Variants in FAM53B observed in about 807,000 individuals in gnomAD.
The protein encoded by FAM53B is protein FAM53B.
Under a neutral mutation model 32.7 loss-of-function variants are expected in FAM53B, and 12 were observed. The observed-to-expected ratio is 0.37, with a 90% CI of 0.24 to 0.59. FAM53B has a LOEUF of 0.59. FAM53B is among the 20% of genes least tolerant of loss of function. The pLI, the probability that FAM53B is intolerant of heterozygous loss-of-function variation, is 0.72. For missense variants in FAM53B, 477 were observed against 577.7 expected, an observed-to-expected ratio of 0.83 and a Z score of 1.79; for synonymous variants, 234 against 228.7, an observed-to-expected ratio of 1.02 and a Z score of -0.21.
intron 1 of FAM53B, among the ~76,000 whole-genome samples, chr10:124,710,410 T>C (rs1411565860): frequency 6.6e-6 from 1 of 152,206 alleles, no homozygotes; most frequent in East Asian, 1.9e-4. Flanking sequence ...TTCTCAGAAT[T>C]TGTGAGGCGA....
At chr10:124,629,139 G>A (rs901732185) in intron 4 of FAM53B, among the ~76,000 whole-genome samples, 6 of 152,220 alleles carry the variant, frequency 3.9e-5, no homozygotes, top group Non-Finnish European at 8.8e-5. Context: ...GACTGGCCAC[G>A]GGGCCCTGTG....
intron 1 of FAM53B, among the ~76,000 whole-genome samples, chr10:124,729,223 TA>T (rs1950126080): frequency 6.6e-6 from 1 of 152,184 alleles, no homozygotes. Context: ...GGGCAGAGCC[TA>T]ATCTCGAATG....
intron 1 of FAM53B, among the ~76,000 whole-genome samples, chr10:124,710,358 A>G (rs17152232): frequency 0.28 from 42,552 of 152,158 alleles, 6,945 homozygotes; most frequent in South Asian, 0.41. Context: ...CATTTCCAGA[A>G]TCCAGCTAAA....
At chr10:124,721,505 T>C (rs1413063883) in intron 1 of FAM53B, among the ~76,000 whole-genome samples, 4 of 152,176 alleles carry the variant, frequency 2.6e-5, no homozygotes, top group Admixed American at 6.5e-5. Context: ...GGTCACAGTC[T>C]GTAAGGGAGT....
intron 3 of FAM53B, among the ~76,000 whole-genome samples, chr10:124,694,214 G>A (rs1332931088): frequency 2.6e-5 from 4 of 152,216 alleles, no homozygotes; most frequent in East Asian, 1.9e-4. Context: ...AGCCTGGGAC[G>A]GAGGCATTGG....
At chr10:124,681,548 C>A in intron 4 of FAM53B, 59 bp downstream of exon 4, 1 of 1,453,964 alleles carries the variant, frequency 6.9e-7, no homozygotes, top group African/African-American at 1.4e-5. Context: ...TAGGACGGCC[C>A]AGAACCAGCA....
chr10:124,720,897 C>T (rs1334049932), intron 1 of FAM53B, among the ~76,000 whole-genome samples: 11 of 152,188 alleles, frequency 7.2e-5, no homozygotes. Context: ...ATAACTGGGA[C>T]CGCTAAAGTT....
chr10:124,635,241 G>A (rs903357561), intron 4 of FAM53B, among the ~76,000 whole-genome samples: 2 of 152,124 alleles, frequency 1.3e-5, no homozygotes, highest in South Asian at 2.1e-4. Flanking sequence ...AACAGGGCCC[G>A]CCACCACACC....
At chr10:124,722,226 T>C (rs1950072696) in intron 1 of FAM53B, among the ~76,000 whole-genome samples, 2 of 152,198 alleles carry the variant, frequency 1.3e-5, no homozygotes, top group Admixed American at 6.5e-5. Flanking sequence ...GTTTGAGATG[T>C]TGGAAATGCT....
In FAM53B at chr10:124,622,507, G is replaced by A. The variant is rs75403038; in HGVS notation, c.*735C>T. The A allele has an allele frequency of 0.03, 4,495 of 152,318 alleles. 74 individuals carry two copies. Among genetic ancestry groups the A allele is most frequent in the African/African-American group, 0.051 (2,117 of 41,546 alleles). 9.4% of individuals were successfully genotyped at this position (152,318 alleles called of 1,614,324 possible). A position where few individuals can be genotyped will look rare whatever the true frequency, so the allele number is the denominator to read the frequency against. ...TGCTGTAGGAGAGGCAAGCAAGTCC[G>A]TCTTTTCAGCCAACAGATCCACCAA... On this transcript the variant is annotated 3_prime_UTR_variant, in exon 5 of 5. Coordinates refer to ENST00000337318, the MANE Select transcript of FAM53B (RefSeq NM_014661.4).
At chr10:124,668,098 C>T (rs1018387890) in intron 4 of FAM53B, among the ~76,000 whole-genome samples, 5 of 152,240 alleles carry the variant, frequency 3.3e-5, no homozygotes, top group African/African-American at 1.2e-4. Flanking sequence ...CAGATGCCGG[C>T]ATGCATATTT....
At chr10:124,732,523 G>A (rs1002385812) in intron 1 of FAM53B, among the ~76,000 whole-genome samples, 2 of 152,190 alleles carry the variant, frequency 1.3e-5, no homozygotes, top group Non-Finnish European at 2.9e-5. Flanking sequence ...GAAATCATGT[G>A]TAACATATAA....
chr10:124,706,601 G>A (rs1259573498), intron 2 of FAM53B, 35 bp downstream of exon 2: 1 of 1,613,596 alleles, frequency 6.2e-7, no homozygotes, highest in African/African-American at 1.3e-5. Context: ...CCTCAGAAAT[G>A]GTCATGGAAA....
At chr10:124,675,756 C>T (rs1949732741) in intron 4 of FAM53B, among the ~76,000 whole-genome samples, 2 of 152,256 alleles carry the variant, frequency 1.3e-5, no homozygotes, top group South Asian at 4.1e-4. Context: ...GGACCAAGCA[C>T]AGCAGTGGGA....
At chr10:124,685,492 T>C (rs1251760097) in intron 3 of FAM53B, among the ~76,000 whole-genome samples, 2 of 152,220 alleles carry the variant, frequency 1.3e-5, no homozygotes, top group African/African-American at 2.4e-5. Flanking sequence ...AGGCACCAGA[T>C]GGGCCAGGAA....
intron 4 of FAM53B, among the ~76,000 whole-genome samples, chr10:124,656,872 C>T (rs1386553344): frequency 2.0e-5 from 3 of 151,378 alleles, no homozygotes; most frequent in African/African-American, 7.3e-5. Flanking sequence ...GGGAACATCA[C>T]ACACCGGGGC....
rs1284088675 is a variant in FAM53B at position 124,619,451 on chromosome 10, C to T, written c.*3791G>A. ...CCGGGTCTACGCTTTCTGGTCGCCA[C>T]ACTTCCTGAAGCACGGCAACACCCA... is the stretch of plus-strand genomic sequence containing the variant. On this transcript the variant is annotated 3_prime_UTR_variant, in exon 5 of 5. Coordinates refer to ENST00000337318, the MANE Select transcript of FAM53B (RefSeq NM_014661.4). The T allele has an allele frequency of 6.6e-6, 1 of 152,464 alleles. No homozygotes were observed. The highest frequency in any genetic ancestry group is 2.4e-5 in the African/African-American group (1 of 41,414). The allele number at this position is 152,464 out of a possible 1,614,324, so 9.4% of individuals were successfully genotyped here.
At chr10:124,710,207 A>C (rs1949991436) in intron 1 of FAM53B, among the ~76,000 whole-genome samples, 1 of 152,196 alleles carries the variant, frequency 6.6e-6, no homozygotes, top group African/African-American at 2.4e-5. Flanking sequence ...CTCAATGGAG[A>C]CCTTATCACT....
chr10:124,691,503 ATTG>A (rs991151404), intron 3 of FAM53B, among the ~76,000 whole-genome samples: 1 of 152,128 alleles, frequency 6.6e-6, no homozygotes, highest in Non-Finnish European at 1.5e-5. Context: ...TAGCATATGA[ATTG>A]TTTTGTTCTG....
Sources: gnomAD v4.1 joint callset for allele counts (sites outside exome capture counted in the v4.1 genomes callset) on GRCh38, gnomAD v4.1.1 for gene constraint, MANE v1.5 for transcripts, NCBI Gene and HGNC (gene_info 2026-07-23, HGNC 2026-07-21) for gene names.